The following ADK variants were observed in gnomAD, a reference collection of about 807,000 sequenced individuals.
ADK encodes the protein adenosine kinase.
Under a neutral mutation model 44.7 loss-of-function variants are expected in ADK, and 24 were observed. The ratio of observed to expected loss-of-function variants is 0.54; its 90% CI spans 0.39 to 0.76. The LOEUF is 0.76. ADK is among the 30% of genes least tolerant of loss of function. The pLI is 0.00. For missense variants in ADK, 321 were observed against 425.1 expected (o/e 0.76, Z 2.15); for synonymous variants, 128 against 142.6 (o/e 0.90, Z 0.73).
intron 7 of ADK, among the ~76,000 whole-genome samples, chr10:74,547,858 A>G (rs531627012): frequency 1.1e-4 from 16 of 152,022 alleles, no homozygotes; most frequent in African/African-American, 3.9e-4. Context: ...GGGTTTCTCC[A>G]TGTTAGTCAG....
Position 74,356,002 on chromosome 10 carries a change from A to ATATTGGTTTTTTTT in ADK, c.274-38138_274-38137insATTGGTTTTTTTTT, listed in dbSNP as rs57958159. Among the ~76,000 whole-genome samples the ATATTGGTTTTTTTT allele has an allele frequency of 2.0e-4, 17 of 83,296 alleles. 2 individuals carry two copies. The highest frequency in any genetic ancestry group is 6.8e-3 in the Middle Eastern group (1 of 146). 54.6% of individuals were successfully genotyped at this position (83,296 alleles called of 152,430 possible). A position where few individuals can be genotyped will look rare whatever the true frequency, so the allele number is the denominator to read the frequency against. The stretch of plus-strand genomic sequence containing the variant: ...TCTGAAATATTTCACTAAATAATTC[A>ATATTGGTTTTTTTT]TTTTTTTTTTTTTTTTTTTTTTTTT... On this transcript the variant is annotated intron_variant, in intron 4 of 10. Coordinates refer to ENST00000539909, the MANE Select transcript of ADK (RefSeq NM_006721.4).
intron 3 of ADK, among the ~76,000 whole-genome samples, chr10:74,234,937 A>G (rs1844903191): frequency 6.6e-6 from 1 of 152,190 alleles, no homozygotes; most frequent in Admixed American, 6.5e-5. Context: ...CACTTTGTAC[A>G]CACAAAGTTT....
intron 6 of ADK, 47 bp downstream of exon 6, chr10:74,398,626 G>C: frequency 9.5e-7 from 1 of 1,057,422 alleles, no homozygotes; most frequent in Non-Finnish European, 1.4e-6. Flanking sequence ...TTACATGATG[G>C]ATTATAGTTG....
chr10:74,690,154 C>T (rs746796686), intron 10 of ADK, among the ~76,000 whole-genome samples: 3 of 152,182 alleles, frequency 2.0e-5, no homozygotes, highest in Non-Finnish European at 4.4e-5. Flanking sequence ...ATGTAATATG[C>T]CTCCCCTGTA....
At chr10:74,690,287 G>A (rs1855941904) in intron 10 of ADK, among the ~76,000 whole-genome samples, 1 of 152,196 alleles carries the variant, frequency 6.6e-6, no homozygotes, top group Non-Finnish European at 1.5e-5. Context: ...TTGAACTCAG[G>A]AGTTTGTTAC....
chr10:74,229,394 T>C (rs899479262), intron 3 of ADK, among the ~76,000 whole-genome samples: 1 of 144,716 alleles, frequency 6.9e-6, no homozygotes, highest in African/African-American at 2.6e-5. Context: ...TGGTATGCTT[T>C]TTTTTTTTTT....
chr10:74,467,436 A>T (rs1413727543), intron 6 of ADK, among the ~76,000 whole-genome samples: 1 of 152,184 alleles, frequency 6.6e-6, no homozygotes, highest in Non-Finnish European at 1.5e-5. Flanking sequence ...TTATATCTCC[A>T]GGGCTTGCTT....
rs546453973 is a variant in ADK at position 74,556,601 on chromosome 10, G to A, written c.726+31175G>A. On this transcript the variant is annotated intron_variant, in intron 7 of 10. Coordinates refer to ENST00000539909, the MANE Select transcript of ADK (RefSeq NM_006721.4). Reference sequence around the variant, plus strand: ...GGGAGAGGCATATATAGCATTCATGGACACATTTTCTAAGTCTTACTGAGC... The same window carrying A: ...GGGAGAGGCATATATAGCATTCATGAACACATTTTCTAAGTCTTACTGAGC... 4.6e-5 allele frequency among the ~76,000 whole-genome samples: 7 copies of A among 152,246 alleles called. No individual in the cohort carries two copies. The East Asian group carries it at 7.7e-4, about 17-fold the overall frequency.
At chr10:74,313,230 G>A (rs377709257) in intron 3 of ADK, among the ~76,000 whole-genome samples, 230 of 152,182 alleles carry the variant, frequency 1.5e-3, no homozygotes, top group Non-Finnish European at 2.7e-3. Flanking sequence ...ATGCAATAGT[G>A]TATGATGGGC....
At chr10:74,702,618 G>A (rs577661882) in intron 10 of ADK, among the ~76,000 whole-genome samples, 7 of 131,414 alleles carry the variant, frequency 5.3e-5, no homozygotes, top group South Asian at 4.8e-4. Context: ...TTTTTTTTGA[G>A]ATGGAGTTTT....
chr10:74,379,247 C>T (rs1219350921), intron 4 of ADK, among the ~76,000 whole-genome samples: 5 of 152,054 alleles, frequency 3.3e-5, no homozygotes, highest in Non-Finnish European at 7.4e-5. Context: ...ACAGTCTAGG[C>T]AAGCAGTTAT....
At chr10:74,428,231 C>A (rs1844868334) in intron 6 of ADK, among the ~76,000 whole-genome samples, 1 of 152,148 alleles carries the variant, frequency 6.6e-6, no homozygotes, top group Non-Finnish European at 1.5e-5. Context: ...AGGGTTAGTA[C>A]CTGATTATGA....
At chr10:74,363,630 A>T (rs1592103567) in intron 4 of ADK, among the ~76,000 whole-genome samples, 1 of 152,094 alleles carries the variant, frequency 6.6e-6, no homozygotes, top group South Asian at 2.1e-4. Context: ...GACCCTGTAG[A>T]CAAGATAGTT....
At chr10:74,314,519 A>G (rs892715717) in intron 3 of ADK, 148 bp from the exon 4 acceptor site, 7 of 629,228 alleles carry the variant, frequency 1.1e-5, no homozygotes, top group African/African-American at 7.4e-5. Context: ...TATTTTTGTT[A>G]TAAGATATTT....
At chr10:74,315,835 C>T (rs1213912821) in intron 4 of ADK, among the ~76,000 whole-genome samples, 3 of 152,066 alleles carry the variant, frequency 2.0e-5, no homozygotes, top group Non-Finnish European at 2.9e-5. Flanking sequence ...ATCTTTAAGG[C>T]GGTCATTAAT....
At chr10:74,609,292 A>G (rs1341227811) in intron 9 of ADK, among the ~76,000 whole-genome samples, 1 of 152,148 alleles carries the variant, frequency 6.6e-6, no homozygotes, top group African/African-American at 2.4e-5. Flanking sequence ...GTATGAACAA[A>G]AACTCCTGCA....
At chr10:74,175,636 CATT>C (rs1842304598) in intron 1 of ADK, among the ~76,000 whole-genome samples, 1 of 152,024 alleles carries the variant, frequency 6.6e-6, no homozygotes, top group South Asian at 2.1e-4. Flanking sequence ...CTATTAATAA[CATT>C]GTAGAACAGG....
chr10:74,502,267 C>T (rs553387368), intron 6 of ADK, among the ~76,000 whole-genome samples: 23 of 151,914 alleles, frequency 1.5e-4, no homozygotes, highest in African/African-American at 5.1e-4. Context: ...TGGGAACATA[C>T]TACAAGTGTT....
At chr10:74,173,031 T>G (rs2132059157) in intron 1 of ADK, among the ~76,000 whole-genome samples, 1 of 152,202 alleles carries the variant, frequency 6.6e-6, no homozygotes, top group African/African-American at 2.4e-5. Context: ...TATACTGAAT[T>G]TAGTATATTT....
Sources: gnomAD v4.1 joint callset for allele counts (sites outside exome capture counted in the v4.1 genomes callset) on GRCh38, gnomAD v4.1.1 for gene constraint, MANE v1.5 for transcripts, NCBI Gene and HGNC (gene_info 2026-07-23, HGNC 2026-07-21) for gene names.